PALM: variants seen among roughly 807,000 people sequenced by gnomAD.
The protein encoded by PALM is paralemmin.
Under a neutral mutation model 30.7 loss-of-function variants are expected in PALM, and 18 were observed. The observed-to-expected ratio is 0.59, with a 90% CI of 0.41 to 0.87. PALM has a LOEUF of 0.87. Among genes scored for constraint, PALM ranks in the 40% least tolerant of loss-of-function variants. The probability of loss-of-function intolerance (pLI) is 0.00; values close to 1 mark genes in which losing one functional copy is unlikely to be tolerated. For missense variants in PALM, 529 were observed against 555.4 expected (o/e 0.95, Z 0.48); for synonymous variants, 286 against 242.8 (o/e 1.18, Z -1.66).
intron 1 of PALM, among the ~76,000 whole-genome samples, chr19:719,954 G>A (rs942211104): frequency 1.3e-5 from 2 of 152,158 alleles, no homozygotes; most frequent in African/African-American, 4.8e-5. Context: ...TCTGTGACGT[G>A]GAGCGTTCTG....
At chr19:740,722 A>G (rs1414286414) in intron 8 of PALM, among the ~76,000 whole-genome samples, 1 of 152,210 alleles carries the variant, frequency 6.6e-6, no homozygotes, top group Non-Finnish European at 1.5e-5. Flanking sequence ...CTGAAAGCTG[A>G]GCCGGGCACC....
intron 4 of PALM, among the ~76,000 whole-genome samples, chr19:728,999 G>A (rs1384151324): frequency 6.6e-6 from 1 of 151,624 alleles, no homozygotes; most frequent in African/African-American, 2.4e-5. Flanking sequence ...GTGAGACTGG[G>A]TCTCAAAAAA....
rs547107212 is a variant in PALM, at chr19:726,208, G to A, written c.57+19G>A. 16 of 1,610,260 alleles carry A rather than the reference G, an allele frequency of 9.9e-6. No homozygotes were observed. The highest frequency in any genetic ancestry group is 2.2e-5 in the East Asian group (1 of 44,862). On this transcript the variant is annotated intron_variant, in intron 2 of 8. Transcript: ENST00000338448. The stretch of plus-strand genomic sequence containing the variant: ...CATCGCAGTGAGTTTCCGCCGCCCC[G>A]CAGACGGTGTGGTCAGGGTGGGGAA...
chr19:731,776 C>T (rs950007048), intron 5 of PALM, among the ~76,000 whole-genome samples: 1 of 152,302 alleles, frequency 6.6e-6, no homozygotes, highest in Admixed American at 6.5e-5. Context: ...TCTCCTGCCT[C>T]AGCCTCCCAA....
chr19:723,624 C>T (rs2032566958), intron 1 of PALM, among the ~76,000 whole-genome samples: 1 of 108,934 alleles, frequency 9.2e-6, no homozygotes, highest in Non-Finnish European at 1.9e-5. Context: ...CGGAGTCTCG[C>T]TTTGTTGCCC....
chr19:736,132 G>A (rs2033017329), intron 7 of PALM, 54 bp downstream of exon 7: 5 of 1,261,446 alleles, frequency 4.0e-6, no homozygotes, highest in Non-Finnish European at 5.7e-6. Context: ...CAGGGACCAA[G>A]TCTCGGTCCG....
At position 739,713 on chromosome 19, in the gene PALM, C is replaced by T. The variant is rs1221283972; in HGVS notation, c.503-639C>T. Among the ~76,000 whole-genome samples the T allele has an allele frequency of 4.6e-5, 7 of 152,182 alleles. No homozygotes were observed. The South Asian group carries it at 6.2e-4, about 14-fold the overall frequency. On this transcript the variant is annotated intron_variant, in intron 7 of 8. Transcript: ENST00000338448. ...ATAATAGGCTGGGCGCGGTGGCTCA[C>T]GCCTGTAATCCCAGCACTTTGGGAG... is the stretch of plus-strand genomic sequence containing the variant.
rs141638241 is a variant in PALM, at chr19:746,632, C to T, written c.982C>T (p.Leu328=). The T allele has an allele frequency of 6.8e-5, 110 of 1,612,986 alleles. No individual in the cohort carries two copies. The African/African-American group carries it at 1.3e-3, about 19-fold the overall frequency. The change falls in exon 9 of 9, where the codon CTG becomes TTG. Residue 328 remains leucine, a synonymous_variant. Coordinates refer to ENST00000338448, the MANE Select transcript of PALM (RefSeq NM_002579.3). This position sits in a 1 kb window ranked among gnomAD's most constrained non-coding sequence, Gnocchi z 7.1. The stretch of plus-strand genomic sequence containing the variant: ...CCTTCAAGATACCATCACGGCGGAG[C>T]TGGTGGTCATCGAAGACGCGGCTGA... The part of the protein sequence containing the change: ...LGLQDTITAE[L]VVIEDAAEPK...
chr19:745,919 G>A (rs2238566), intron 8 of PALM, among the ~76,000 whole-genome samples: 11,468 of 151,212 alleles, frequency 0.076, 533 homozygotes, highest in South Asian at 0.17. Context: ...TTAGCTGGGC[G>A]TGGTGGCGGA....
intron 1 of PALM, among the ~76,000 whole-genome samples, chr19:716,150 G>A (rs1418141645): frequency 2.0e-5 from 3 of 152,056 alleles, no homozygotes; most frequent in Admixed American, 6.6e-5. Flanking sequence ...GGTGGCTCAC[G>A]CCTGTAATCC....
intron 1 of PALM, among the ~76,000 whole-genome samples, chr19:716,210 G>A (rs935889563): frequency 2.6e-5 from 4 of 152,052 alleles, no homozygotes; most frequent in Admixed American, 1.3e-4. Flanking sequence ...TCAGGAGTTC[G>A]AGACCAGCCT....
intron 4 of PALM, among the ~76,000 whole-genome samples, chr19:728,700 T>C (rs1185454524): frequency 1.3e-5 from 2 of 151,970 alleles, no homozygotes; most frequent in East Asian, 3.9e-4. Context: ...TCCCAGCTAC[T>C]CCGGAGGCTG....
chr19:742,675 G>A lies in PALM; in HGVS notation c.634+2192G>A, dbSNP rs1169126463. Among the ~76,000 whole-genome samples, 2 of 151,966 alleles carry A rather than the reference G, an allele frequency of 1.3e-5. No homozygotes were observed. Among genetic ancestry groups the A allele is most frequent in the African/African-American group, 2.4e-5 (1 of 41,380 alleles). On this transcript the variant is annotated intron_variant, in intron 8 of 8. Coordinates refer to ENST00000338448, the MANE Select transcript of PALM (RefSeq NM_002579.3). The surrounding 1 kb of genome is among the most constrained non-coding windows in gnomAD (Gnocchi z 5.5). ...CTGCACGTGGCCTTCTGTGTCTGGC[G>A]TCTCTCACTGGGCGTGACGTCCCCA...
In PALM at chr19:709,789, G is replaced by GCCTGGGTGGGATAC. The variant is rs1430944794; in HGVS notation, c.5+642_5+655dup. On this transcript the variant is annotated intron_variant, in intron 1 of 8. Transcript: ENST00000338448. This position sits in a 1 kb window ranked among gnomAD's most constrained non-coding sequence, Gnocchi z 4.3. The stretch of plus-strand genomic sequence containing the variant: ...AGGAACCGGCGTTTTCCAGCGGGGC[G>GCCTGGGTGGGATAC]CCTGGGTGGGATACCCTCTCGGGGA... 6.6e-6 allele frequency among the ~76,000 whole-genome samples: 1 copy of GCCTGGGTGGGATAC among 152,178 alleles called. No individual in the cohort carries two copies. Among genetic ancestry groups the GCCTGGGTGGGATAC allele is most frequent in the Non-Finnish European group, 1.5e-5 (1 of 68,018 alleles).
At chr19:712,668 C>T (rs1049353529) in intron 1 of PALM, among the ~76,000 whole-genome samples, 8 of 147,636 alleles carry the variant, frequency 5.4e-5, no homozygotes, top group African/African-American at 2.0e-4. Flanking sequence ...CAGGTGTGAG[C>T]CGCCATGCCT....
chr19:743,062 T>C (rs1293456599), intron 8 of PALM, among the ~76,000 whole-genome samples: 4 of 152,024 alleles, frequency 2.6e-5, no homozygotes, highest in Admixed American at 2.6e-4. Context: ...CGTAGCCCAT[T>C]CTCGTGGCTG....
intron 5 of PALM, 26 bp downstream of exon 5, chr19:731,271 A>G: frequency 6.4e-7 from 1 of 1,573,608 alleles, no homozygotes; most frequent in South Asian, 1.2e-5. Context: ...GGGGGAGCGG[A>G]TCCCCAGGCA....
At chr19:739,070 GT>G in intron 7 of PALM, among the ~76,000 whole-genome samples, 1 of 152,284 alleles carries the variant, frequency 6.6e-6, no homozygotes, top group Admixed American at 6.5e-5. Context: ...AGGCCTGGGG[GT>G]GGCGGGCAGC....
chr19:727,237 C>CTACCCT (rs1568225363), intron 3 of PALM, 149 bp downstream of exon 3: 1 of 516,216 alleles, frequency 1.9e-6, no homozygotes, highest in Non-Finnish European at 3.3e-6. Context: ...ACCCTGACCC[C>CTACCCT]GACCCCGACC....
Sources: allele counts gnomAD v4.1 joint callset (sites outside exome capture counted in the v4.1 genomes callset), GRCh38; gene constraint gnomAD v4.1.1; non-coding constraint Gnocchi (gnomAD v3.1); transcripts MANE v1.5; gene names NCBI Gene and HGNC (gene_info 2026-07-23, HGNC 2026-07-21).